RDX: variants seen among roughly 807,000 people sequenced by gnomAD.
The protein encoded by RDX is deafness, autosomal recessive 24.
In RDX, 32 loss-of-function variants were observed where a neutral mutation model predicts 83.7. That is an observed-to-expected ratio of 0.38 (90% CI 0.29 to 0.51). RDX has a LOEUF of 0.51. Among genes scored for constraint, RDX ranks in the 20% least tolerant of loss-of-function variants. The probability of loss-of-function intolerance (pLI) is 0.87; values close to 1 mark genes in which losing one functional copy is unlikely to be tolerated. For missense variants in RDX, 600 were observed against 689.9 expected (o/e 0.87, Z 1.46); for synonymous variants, 229 against 222.7 (o/e 1.03, Z -0.25).
rs553023798 is a variant in RDX, at chr11:110,198,892, T to A, written c.*31+689A>T. On this transcript the variant is annotated intron_variant, in intron 15 of 15. Coordinates refer to the RDX transcript ENST00000528498. ...GTGCAGTGGTGCCATCTCGGCTCACTGCAACCTGTGCCTCCTGGATTCAAG... is the reference window on the plus strand; with the variant it reads ...GTGCAGTGGTGCCATCTCGGCTCACAGCAACCTGTGCCTCCTGGATTCAAG... 2.0e-4 allele frequency among the ~76,000 whole-genome samples: 30 copies of A among 152,122 alleles called. No individual in the cohort carries two copies. In the East Asian group the frequency reaches 5.8e-3, roughly 29 times the overall value.
At chr11:110,192,317 G>C (rs970972159) in intron 15 of RDX, among the ~76,000 whole-genome samples, 1 of 152,182 alleles carries the variant, frequency 6.6e-6, no homozygotes, top group Admixed American at 6.5e-5. Context: ...ATGGTGTTGG[G>C]ATAACTGGCT....
intron 10 of RDX, among the ~76,000 whole-genome samples, chr11:110,247,332 T>C (rs1228291630): frequency 6.6e-6 from 1 of 152,176 alleles, no homozygotes; most frequent in Non-Finnish European, 1.5e-5. Flanking sequence ...ATGCCTTACT[T>C]ATACAGCCAT....
chr11:110,291,132 G>C (rs1861224131), intron 1 of RDX, among the ~76,000 whole-genome samples: 1 of 152,164 alleles, frequency 6.6e-6, no homozygotes, highest in Non-Finnish European at 1.5e-5. Context: ...TTTGAGACTA[G>C]CCTGGGCAAC....
intron 11 of RDX, among the ~76,000 whole-genome samples, chr11:110,237,259 C>T (rs554869778): frequency 3.3e-5 from 5 of 151,942 alleles, no homozygotes; most frequent in Admixed American, 6.6e-5. Context: ...TGACAGTAGA[C>T]TCCATTTACA....
intron 10 of RDX, among the ~76,000 whole-genome samples, chr11:110,240,949 A>G (rs1465938903): frequency 2.2e-5 from 3 of 137,290 alleles, no homozygotes; most frequent in African/African-American, 5.4e-5. Flanking sequence ...TCAGCTACTC[A>G]GGAGGCTGAG....
At chr11:110,244,072 T>C (rs1471753948) in intron 10 of RDX, among the ~76,000 whole-genome samples, 2 of 152,118 alleles carry the variant, frequency 1.3e-5, no homozygotes, top group African/African-American at 2.4e-5. Flanking sequence ...ATAACAGCAT[T>C]AGTCACCTTA....
At chr11:110,259,582 T>C (rs1859717918) in intron 5 of RDX, among the ~76,000 whole-genome samples, 1 of 152,232 alleles carries the variant, frequency 6.6e-6, no homozygotes, top group Admixed American at 6.5e-5. Flanking sequence ...TATACTCTGC[T>C]CCTTTCTCTA....
chr11:110,267,176 T>C (rs986623904), intron 3 of RDX, among the ~76,000 whole-genome samples: 1 of 152,202 alleles, frequency 6.6e-6, no homozygotes, highest in African/African-American at 2.4e-5. Flanking sequence ...AGTGTTGGGA[T>C]TATAGGCATG....
chr11:110,226,485 G>A (rs923195444), downstream of RDX, among the ~76,000 whole-genome samples: 12 of 152,106 alleles, frequency 7.9e-5, no homozygotes, highest in African/African-American at 2.9e-4. Context: ...GAGGGGGAAT[G>A]GGGCATTACC....
intron 2 of RDX, among the ~76,000 whole-genome samples, chr11:110,275,598 A>G (rs951605911): frequency 1.3e-5 from 2 of 152,082 alleles, no homozygotes; most frequent in Non-Finnish European, 2.9e-5. Flanking sequence ...TCTTACTTTA[A>G]CGTAGGAAGT....
chr11:110,285,832 A>C lies in RDX; in HGVS notation c.-64-6076T>G, dbSNP rs554604643. Among the ~76,000 whole-genome samples the C allele has an allele frequency of 2.0e-4, 31 of 152,120 alleles. 1 individual carries two copies. In the South Asian group the frequency reaches 5.0e-3, roughly 24 times the overall value. Reference sequence around the variant, plus strand: ...TAATTTCATAAAATGTCACATGGAAAACAAAGAAACCTAGATGCATATCCT... The same window carrying C: ...TAATTTCATAAAATGTCACATGGAACACAAAGAAACCTAGATGCATATCCT... On this transcript the variant is annotated intron_variant, in intron 1 of 13. Transcript: ENST00000645495.
At chr11:110,223,285 G>A (rs1864316859) in intron 14 of RDX, among the ~76,000 whole-genome samples, 1 of 152,058 alleles carries the variant, frequency 6.6e-6, no homozygotes, top group Admixed American at 6.6e-5. Flanking sequence ...CCCGGGAGGT[G>A]GAGCTTGCAG....
rs370760081 is a variant in RDX, at chr11:110,295,642, GA to G, written c.-65+824del. ...GGAAGTGATGTAGTCTGTTTAAACTGAAAAAAAAAAAAAAACAAAAATGCAC... is the reference window on the plus strand; with the variant it reads ...GGAAGTGATGTAGTCTGTTTAAACTGAAAAAAAAAAAAAACAAAAATGCAC... On this transcript the variant is annotated intron_variant, in intron 1 of 13. Coordinates refer to ENST00000645495, the MANE Select transcript of RDX (RefSeq NM_002906.4). Among the ~76,000 whole-genome samples the G allele has an allele frequency of 1.5e-3, 184 of 122,236 alleles. 2 individuals are homozygous for G. Among genetic ancestry groups the G allele is most frequent in the South Asian group, 5.1e-3 (19 of 3,740 alleles). The allele number at this position is 122,236 out of a possible 152,430, so 80.2% of individuals were successfully genotyped here.
chr11:110,293,307 A>G (rs1861319179), intron 1 of RDX, among the ~76,000 whole-genome samples: 1 of 152,238 alleles, frequency 6.6e-6, no homozygotes, highest in African/African-American at 2.4e-5. Flanking sequence ...TGTTCCAGGG[A>G]GTAAGGAGGA....
At chr11:110,199,514 G>C in intron 15 of RDX, 1 of 698,628 alleles carries the variant, frequency 1.4e-6, no homozygotes, top group Non-Finnish European at 2.6e-6. Flanking sequence ...CATCCTGGCA[G>C]TGGAAGGTGT....
chr11:110,202,638 T>A (rs1346144057), intron 14 of RDX, among the ~76,000 whole-genome samples: 1 of 146,176 alleles, frequency 6.8e-6, no homozygotes, highest in African/African-American at 2.6e-5. Context: ...GGACATGAGG[T>A]CTCACTATGT....
At chr11:110,198,400 A>C (rs1016899295) in intron 15 of RDX, among the ~76,000 whole-genome samples, 1 of 152,186 alleles carries the variant, frequency 6.6e-6, no homozygotes, top group Non-Finnish European at 1.5e-5. Context: ...CTTATTAACC[A>C]ATTCTTTAAT....
At chr11:110,205,676 T>C (rs963856052) in intron 14 of RDX, among the ~76,000 whole-genome samples, 2 of 152,122 alleles carry the variant, frequency 1.3e-5, no homozygotes, top group Non-Finnish European at 2.9e-5. Context: ...ATTAACAAAA[T>C]GCAAATTATT....
chr11:110,289,970 A>C (rs1188681563), intron 1 of RDX, among the ~76,000 whole-genome samples: 1 of 147,866 alleles, frequency 6.8e-6, no homozygotes, highest in Non-Finnish European at 1.5e-5. Flanking sequence ...AAAAAAAAAA[A>C]AAAAAAAAAA....
Sources: allele counts gnomAD v4.1 joint callset (sites outside exome capture counted in the v4.1 genomes callset), GRCh38; gene constraint gnomAD v4.1.1; transcripts MANE v1.5; gene names NCBI Gene and HGNC (gene_info 2026-07-23, HGNC 2026-07-21).